Variants in BEX4 observed in about 807,000 individuals in gnomAD.
BEX4 encodes the protein brain expressed X-linked 4, also known as protein BEX4.
For synonymous variants in BEX4, 37 were observed against 33.5 expected (o/e 1.11, Z -0.36); for missense variants, 110 against 96.5 (o/e 1.14, Z -0.59).
At chrX:103,215,564 G>GAGGGCC (rs754363687) in intron 1 of BEX4, 118 bp from the exon 2 acceptor site, 41 of 519,360 alleles carry the variant, frequency 7.9e-5, no homozygotes, top group African/African-American at 2.9e-4. Context: ...GGGTGGCGAG[G>GAGGGCC]AGGGCCAGGG....
In BEX4 at chrX:103,216,134, T is replaced by A; in HGVS notation, c.-5-15T>A. On this transcript the variant is annotated splice_polypyrimidine_tract_variant and intron_variant, in intron 2 of 2. Coordinates refer to ENST00000372695, the MANE Select transcript of BEX4 (RefSeq NM_001080425.4). ...CACCAAGAATTCAGCCCATTTTCTC[T>A]CTCTTGTCTCCTAGGAGTAATGGAG... The A allele has an allele frequency of 8.9e-7, 1 of 1,125,940 alleles. No individual in the cohort carries two copies. 92.8% of individuals were successfully genotyped at this position (1,125,940 alleles called of 1,213,427 possible).
chrX:103,215,746 A>C lies in BEX4; in HGVS notation c.-24A>C. On this transcript the variant is annotated 5_prime_UTR_variant, in exon 2 of 3. Transcript: ENST00000372695. ...TCGCGTCAAGAATCCGGAGGAGGAGACTGCAAGGATAGGCCCAGGTCGGTG... is the reference window on the plus strand; with the variant it reads ...TCGCGTCAAGAATCCGGAGGAGGAGCCTGCAAGGATAGGCCCAGGTCGGTG... 1 of 929,290 alleles carries C rather than the reference A, an allele frequency of 1.1e-6. No homozygotes were observed. Among genetic ancestry groups the C allele is most frequent in the Non-Finnish European group, 1.4e-6 (1 of 739,401 alleles). 76.6% of individuals were successfully genotyped at this position (929,290 alleles called of 1,213,427 possible).
chrX:103,216,435 T>G lies in BEX4; in HGVS notation c.282T>G (p.Thr94=). The stretch of plus-strand genomic sequence containing the variant: ...AGATGATGGAAATCAAGAGAAAGAC[T>G]AGGGAACAGCAGATGAGGCACTATA... ...VGQMMEIKRK[T]REQQMRHYMR... Residue 94 remains threonine (T), a synonymous_variant, in exon 3 of 3, where the codon ACT becomes ACG. Transcript: ENST00000372695. The G allele has an allele frequency of 8.3e-7, 1 of 1,211,360 alleles. No individual in the cohort carries two copies. Among genetic ancestry groups the G allele is most frequent in the Non-Finnish European group, 1.1e-6 (1 of 895,195 alleles).
chrX:103,215,767 C>T lies in BEX4; in HGVS notation c.-6+3C>T. 1.1e-6 allele frequency: 1 copy of T among 913,029 alleles called. No homozygotes were observed. The highest frequency in any genetic ancestry group is 1.4e-6 in the Non-Finnish European group (1 of 732,901). The allele number at this position is 913,029 out of a possible 1,213,427, so 75.2% of individuals were successfully genotyped here. A position where few individuals can be genotyped will look rare whatever the true frequency, so the allele number is the denominator to read the frequency against. On this transcript the variant is annotated splice_donor_region_variant and intron_variant, in intron 2 of 2. Coordinates refer to ENST00000372695, the MANE Select transcript of BEX4 (RefSeq NM_001080425.4). Reference sequence around the variant, plus strand: ...GGAGACTGCAAGGATAGGCCCAGGTCGGTGCGAGGGTCGGTGGTGAGGCGG... The same window carrying T: ...GGAGACTGCAAGGATAGGCCCAGGTTGGTGCGAGGGTCGGTGGTGAGGCGG...
In BEX4 at chrX:103,215,177, G is replaced by A. The variant is rs2147646487; in HGVS notation, c.-150G>A. ...ATTCTCGGCGGTGGTACCTGCTCCCGGTGGCCCTGAGGACGTGTGGGCCAG... is the reference window on the plus strand; with the variant it reads ...ATTCTCGGCGGTGGTACCTGCTCCCAGTGGCCCTGAGGACGTGTGGGCCAG... On this transcript the variant is annotated 5_prime_UTR_variant, in exon 1 of 3. Transcript: ENST00000372695. 1 of 753,235 alleles carries A rather than the reference G, an allele frequency of 1.3e-6. No individual in the cohort carries two copies. The highest frequency in any genetic ancestry group is 6.8e-5 in the South Asian group (1 of 14,649). The allele number at this position is 753,235 out of a possible 1,213,427, so 62.1% of individuals were successfully genotyped here.
chrX:103,216,775 CT>C lies in BEX4; in HGVS notation c.*264del. The C allele has an allele frequency of 4.9e-6, 1 of 206,033 alleles. No individual in the cohort carries two copies. Among genetic ancestry groups the C allele is most frequent in the Non-Finnish European group, 9.3e-6 (1 of 107,013 alleles). 17.0% of individuals were successfully genotyped at this position (206,033 alleles called of 1,213,427 possible). A position where few individuals can be genotyped will look rare whatever the true frequency, so the allele number is the denominator to read the frequency against. ...AAGCAGTCTGTATTCCATCATCTTC[CT>C]TTTTCATTCCAGTCCTTATTTTTGT... is the stretch of plus-strand genomic sequence containing the variant. On this transcript the variant is annotated 3_prime_UTR_variant, in exon 3 of 3. Coordinates refer to ENST00000372695, the MANE Select transcript of BEX4 (RefSeq NM_001080425.4).
chrX:103,216,214 A>G lies in BEX4; in HGVS notation c.61A>G (p.Asn21Asp), dbSNP rs780131469. The G allele has an allele frequency of 6.1e-6, 7 of 1,153,190 alleles. No individual in the cohort carries two copies. The highest frequency in any genetic ancestry group is 8.1e-6 in the Non-Finnish European group (7 of 869,382). The part of the protein sequence containing the change: ...NLNGENAQQE[N>D]EGGEQAPTQN... ...CAACGGGGAAAATGCCCAACAAGAA[A>G]ACGAAGGAGGGGAGCAGGCCCCCAC... Residue 21 changes from asparagine (N) to aspartate (D), a missense_variant, in exon 3 of 3, where the codon AAC becomes GAC. By Grantham distance (23) the Asn-to-Asp change is conservative (BLOSUM62 1). Transcript: ENST00000372695.
Position 103,216,447 on chromosome X carries a change from G to C in BEX4, c.294G>C (p.Gln98His). 1 of 1,211,531 alleles carries C rather than the reference G, an allele frequency of 8.3e-7. No individual in the cohort carries two copies. Among genetic ancestry groups the C allele is most frequent in the Admixed American group, 2.2e-5 (1 of 46,086 alleles). Residue 98 changes from glutamine (Q) to histidine (H), a missense_variant, in exon 3 of 3, where the codon CAG becomes CAC. Coordinates refer to ENST00000372695, the MANE Select transcript of BEX4 (RefSeq NM_001080425.4). ...TCAAGAGAAAGACTAGGGAACAGCA[G>C]ATGAGGCACTATATGCGCTTCCAAA... is the stretch of plus-strand genomic sequence containing the variant. ...MEIKRKTREQQMRHYMRFQTP... is the reference protein window; with the variant it reads ...MEIKRKTREQHMRHYMRFQTP...
At chrX:103,215,410 G>A (rs993600635) in intron 1 of BEX4, among the ~76,000 whole-genome samples, 172 bp downstream of exon 1, 25 of 112,499 alleles carry the variant, frequency 2.2e-4, no homozygotes, top group African/African-American at 8.0e-4. Context: ...GGCCCGGAGG[G>A]AGCCGGCGGT....
rs760463621 is a variant in BEX4, at chrX:103,216,314, G to A, written c.161G>A (p.Arg54Gln). 115 of 1,209,065 alleles carry A rather than the reference G, an allele frequency of 9.5e-5. No individual in the cohort carries two copies. Among genetic ancestry groups the A allele is most frequent in the Non-Finnish European group, 1.2e-4 (107 of 894,839 alleles). ...CCTGGAGGAAATATCAGGCGGGGGCGAGTTAGGCGACTTGTCCCTAATTTT... is the reference window on the plus strand; with the variant it reads ...CCTGGAGGAAATATCAGGCGGGGGCAAGTTAGGCGACTTGTCCCTAATTTT... ...QKPGGNIRRGRVRRLVPNFRW... is the reference protein window; with the variant it reads ...QKPGGNIRRGQVRRLVPNFRW... Residue 54 changes from arginine to glutamine, a missense_variant, in exon 3 of 3, where the codon CGA becomes CAA. Arg to Gln is a conservative substitution (Grantham distance 43). Coordinates refer to ENST00000372695, the MANE Select transcript of BEX4 (RefSeq NM_001080425.4).
rs984057007 is a variant in BEX4 at position 103,215,196 on chromosome X, G to C, written c.-131G>C. 4.0e-6 allele frequency: 3 copies of C among 753,905 alleles called. No homozygotes were observed. In the East Asian group the frequency reaches 4.6e-4, roughly 115 times the overall value. 62.1% of individuals were successfully genotyped at this position (753,905 alleles called of 1,213,427 possible). A position where few individuals can be genotyped will look rare whatever the true frequency, so the allele number is the denominator to read the frequency against. On this transcript the variant is annotated 5_prime_UTR_variant, in exon 1 of 3. Coordinates refer to ENST00000372695, the MANE Select transcript of BEX4 (RefSeq NM_001080425.4). ...GCTCCCGGTGGCCCTGAGGACGTGT[G>C]GGCCAGGGGCGGCCCCGAAATTAGG...
intron 1 of BEX4, 39 bp from the exon 2 acceptor site, chrX:103,215,643 G>C (rs1174828216): frequency 1.8e-5 from 15 of 843,079 alleles, no homozygotes; most frequent in Non-Finnish European, 2.2e-5. Context: ...CCTAGCTAGC[G>C]TTCTGCTGCA....
Position 103,215,763 on chromosome X carries a change from A to G in BEX4, c.-7A>G. ...AGGAGGAGACTGCAAGGATAGGCCC[A>G]GGTCGGTGCGAGGGTCGGTGGTGAG... On this transcript the variant is annotated splice_region_variant and 5_prime_UTR_variant, in exon 2 of 3. Transcript: ENST00000372695. The G allele has an allele frequency of 3.3e-6, 3 of 915,170 alleles. No homozygotes were observed. The highest frequency in any genetic ancestry group is 2.7e-5 in the South Asian group (1 of 36,383). The allele number at this position is 915,170 out of a possible 1,213,427, so 75.4% of individuals were successfully genotyped here. A position where few individuals can be genotyped will look rare whatever the true frequency, so the allele number is the denominator to read the frequency against.
In BEX4 at chrX:103,216,626, TGGAA is replaced by T; in HGVS notation, c.*111_*114del. 1.1e-6 allele frequency: 1 copy of T among 875,847 alleles called. No homozygotes were observed. Among genetic ancestry groups the T allele is most frequent in the Non-Finnish European group, 1.6e-6 (1 of 635,132 alleles). The allele number at this position is 875,847 out of a possible 1,213,427, so 72.2% of individuals were successfully genotyped here. The stretch of plus-strand genomic sequence containing the variant: ...GGGGTTTACACTTACCAGTTTCTAA[TGGAA>T]ATTAGAATTCTAATTGAATATTGTT... On this transcript the variant is annotated 3_prime_UTR_variant, in exon 3 of 3. Transcript: ENST00000372695.
rs1281630704 is a variant in BEX4 at position 103,216,183 on chromosome X, C to T, written c.30C>T (p.Asn10=). MESKEELAA[N]NLNGENAQQE... ...AGTCCAAAGAGGAACTAGCGGCAAACAATCTCAACGGGGAAAATGCCCAAC... is the reference window on the plus strand; with the variant it reads ...AGTCCAAAGAGGAACTAGCGGCAAATAATCTCAACGGGGAAAATGCCCAAC... Residue 10 remains asparagine, a synonymous_variant, in exon 3 of 3, where the codon AAC becomes AAT. Coordinates refer to ENST00000372695, the MANE Select transcript of BEX4 (RefSeq NM_001080425.4). The T allele has an allele frequency of 8.7e-7, 1 of 1,143,936 alleles. No individual in the cohort carries two copies. 94.3% of individuals were successfully genotyped at this position (1,143,936 alleles called of 1,213,427 possible).
chrX:103,215,813 C>T, intron 2 of BEX4, 49 bp downstream of exon 2: 1 of 833,528 alleles, frequency 1.2e-6, no homozygotes, highest in Non-Finnish European at 1.5e-6. Context: ...GTGAGGAAAG[C>T]CCAGTCTGAG....
Position 103,216,464 on chromosome X carries a change from G to T in BEX4, c.311G>T (p.Arg104Leu). Residue 104 changes from arginine to leucine, a missense_variant, in exon 3 of 3, where the codon CGC becomes CTC. Coordinates refer to ENST00000372695, the MANE Select transcript of BEX4 (RefSeq NM_001080425.4). ...TREQQMRHYM[R>L]FQTPEPDNHY... is the part of the protein sequence containing the mutation. ...GAACAGCAGATGAGGCACTATATGC[G>T]CTTCCAAACTCCTGAACCTGACAAC... The T allele has an allele frequency of 8.3e-7, 1 of 1,210,873 alleles. No individual in the cohort carries two copies. Among genetic ancestry groups the T allele is most frequent in the Middle Eastern group, 2.3e-4 (1 of 4,348 alleles).
At position 103,215,776 on chromosome X, in the gene BEX4, G is replaced by A. The variant is rs1380398057; in HGVS notation, c.-6+12G>A. The A allele has an allele frequency of 1.1e-5, 10 of 892,324 alleles. No individual in the cohort carries two copies. The African/African-American group carries it at 1.7e-4, about 15-fold the overall frequency. 73.5% of individuals were successfully genotyped at this position (892,324 alleles called of 1,213,427 possible). A position where few individuals can be genotyped will look rare whatever the true frequency, so the allele number is the denominator to read the frequency against. On this transcript the variant is annotated intron_variant, in intron 2 of 2. Coordinates refer to ENST00000372695, the MANE Select transcript of BEX4 (RefSeq NM_001080425.4). The stretch of plus-strand genomic sequence containing the variant: ...AAGGATAGGCCCAGGTCGGTGCGAG[G>A]GTCGGTGGTGAGGCGGGGGCCGGAA...
chrX:103,215,889 A>C, intron 2 of BEX4, 125 bp downstream of exon 2: 2 of 528,380 alleles, frequency 3.8e-6, no homozygotes, highest in Non-Finnish European at 5.0e-6. Flanking sequence ...CCCACACGCC[A>C]TCCTCGTCCT....
Sources: gnomAD v4.1 joint callset for allele counts (sites outside exome capture counted in the v4.1 genomes callset) on GRCh38, gnomAD v4.1.1 for gene constraint, MANE v1.5 for transcripts, NCBI Gene and HGNC (gene_info 2026-07-23, HGNC 2026-07-21) for gene names.